Variants in TMEM64 observed in about 807,000 individuals in gnomAD.
TMEM64 encodes transmembrane protein 64.
Under a neutral mutation model 24.5 loss-of-function variants are expected in TMEM64, and 19 were observed. That is an observed-to-expected ratio of 0.78 (90% CI 0.54 to 1.14). The LOEUF is 1.14. TMEM64 is among the 50% of genes most tolerant of loss of function. The pLI is 0.00. For synonymous variants in TMEM64, 262 were observed against 224.7 expected, an observed-to-expected ratio of 1.17 and a Z score of -1.49; for missense variants, 487 against 493.0, an observed-to-expected ratio of 0.99 and a Z score of 0.12.
intron 1 of TMEM64, among the ~76,000 whole-genome samples, chr8:90,643,867 AT>A (rs1156455904): frequency 6.6e-6 from 1 of 152,236 alleles, no homozygotes; most frequent in Non-Finnish European, 1.5e-5. Flanking sequence ...ACCAAATACC[AT>A]TCCATAGTCA....
chr8:90,637,624 G>GA (rs1185134648), intron 1 of TMEM64, among the ~76,000 whole-genome samples: 1 of 151,800 alleles, frequency 6.6e-6, no homozygotes, highest in Non-Finnish European at 1.5e-5. Flanking sequence ...AATCCCTATA[G>GA]AAAAAAATCA....
At chr8:90,626,634 T>C (rs1474006286) in intron 2 of TMEM64, among the ~76,000 whole-genome samples, 14 of 145,958 alleles carry the variant, frequency 9.6e-5, no homozygotes, top group African/African-American at 1.3e-4. Context: ...TCTTTCTTTT[T>C]TTTTTTTTTT....
At chr8:90,626,620 T>TTTTC (rs1563952781) in intron 2 of TMEM64, among the ~76,000 whole-genome samples, 1 of 135,062 alleles carries the variant, frequency 7.4e-6, no homozygotes. Flanking sequence ...CTGTACTTTT[T>TTTTC]TTTTCTTTCT....
chr8:90,643,113 C>T (rs893566125), intron 1 of TMEM64, among the ~76,000 whole-genome samples: 3 of 152,116 alleles, frequency 2.0e-5, no homozygotes, highest in East Asian at 1.9e-4. Context: ...TCGATAAATA[C>T]ATAATGAGCC....
In TMEM64 at chr8:90,624,299, G is replaced by A. The variant is rs1809322312; in HGVS notation, c.*1372C>T. 1 of 151,924 alleles carries A rather than the reference G, an allele frequency of 6.6e-6. No individual in the cohort carries two copies. Among genetic ancestry groups the A allele is most frequent in the African/African-American group, 2.4e-5 (1 of 41,408 alleles). The allele number at this position is 151,924 out of a possible 1,614,324, so 9.4% of individuals were successfully genotyped here. ...ATGAGGGCAAAGCTTTCACCGTAATGAAAAGGCAAATGGGAGGTCTCTGAT... is the reference window on the plus strand; with the variant it reads ...ATGAGGGCAAAGCTTTCACCGTAATAAAAAGGCAAATGGGAGGTCTCTGAT... On this transcript the variant is annotated 3_prime_UTR_variant, in exon 3 of 3. Transcript: ENST00000458549.
chr8:90,623,935 G>A lies in TMEM64; in HGVS notation c.*1736C>T, dbSNP rs796911146. 4 of 151,506 alleles carry A rather than the reference G, an allele frequency of 2.6e-5. No individual in the cohort carries two copies. The highest frequency in any genetic ancestry group is 9.7e-5 in the African/African-American group (4 of 41,328). 9.4% of individuals were successfully genotyped at this position (151,506 alleles called of 1,614,324 possible). On this transcript the variant is annotated 3_prime_UTR_variant, in exon 3 of 3. Transcript: ENST00000458549. Reference sequence around the variant, plus strand: ...CGAAAACCAGCAACTAGATTCAAAAGAGAGAAAAAAAACCGAAATGAGTAA... The same window carrying A: ...CGAAAACCAGCAACTAGATTCAAAAAAGAGAAAAAAAACCGAAATGAGTAA...
chr8:90,630,057 T>G (rs867276736), intron 2 of TMEM64, among the ~76,000 whole-genome samples: 4 of 152,294 alleles, frequency 2.6e-5, no homozygotes, highest in Middle Eastern at 3.4e-3. Flanking sequence ...AAAAGACCAG[T>G]AAGTCTGGAG....
At chr8:90,640,247 T>TA (rs1196172751) in intron 1 of TMEM64, among the ~76,000 whole-genome samples, 1 of 152,226 alleles carries the variant, frequency 6.6e-6, no homozygotes, top group Admixed American at 6.5e-5. Context: ...CATCATTAGA[T>TA]ACACTGATAC....
chr8:90,645,079 G>T lies in TMEM64; in HGVS notation c.795+32C>A. ...CACAAGACCGCTCAAAAACAGACTT[G>T]GAGAGGGATAGGCCAGCGGGACCCC... is the stretch of plus-strand genomic sequence containing the variant. On this transcript the variant is annotated intron_variant, in intron 1 of 2. Coordinates refer to ENST00000458549, the MANE Select transcript of TMEM64 (RefSeq NM_001008495.4). The surrounding 1 kb of genome is among the most constrained non-coding windows in gnomAD (Gnocchi z 4.2). The T allele has an allele frequency of 1.3e-6, 2 of 1,574,844 alleles. No homozygotes were observed. Among genetic ancestry groups the T allele is most frequent in the Non-Finnish European group, 1.7e-6 (2 of 1,155,838 alleles).
At chr8:90,638,932 TAC>T (rs1809561896) in intron 1 of TMEM64, among the ~76,000 whole-genome samples, 1 of 152,068 alleles carries the variant, frequency 6.6e-6, no homozygotes, top group South Asian at 2.1e-4. Context: ...TATTCACGGC[TAC>T]ACCTCCAGCA....
chr8:90,625,546 T>C lies in TMEM64; in HGVS notation c.*125A>G. 2.5e-6 allele frequency: 2 copies of C among 786,250 alleles called. No homozygotes were observed. Among genetic ancestry groups the C allele is most frequent in the Non-Finnish European group, 3.9e-6 (2 of 519,228 alleles). 48.7% of individuals were successfully genotyped at this position (786,250 alleles called of 1,614,324 possible). On this transcript the variant is annotated 3_prime_UTR_variant, in exon 3 of 3. Transcript: ENST00000458549. The stretch of plus-strand genomic sequence containing the variant: ...GCTTTAAAAAAAAAAAATTGTGCAA[T>C]TTAAAAACTAGTCAGTTTTGTTTGT...
rs780228574 is a variant in TMEM64 at position 90,645,651 on chromosome 8, G to A, written c.255C>T (p.Gly85=). 2.8e-5 allele frequency: 43 copies of A among 1,529,422 alleles called. No individual in the cohort carries two copies. In the South Asian group the frequency reaches 4.9e-4, roughly 17 times the overall value. The allele number at this position is 1,529,422 out of a possible 1,614,324, so 94.7% of individuals were successfully genotyped here. A position where few individuals can be genotyped will look rare whatever the true frequency, so the allele number is the denominator to read the frequency against. ...TCCCGGGGCCGCCCGCCAAGGCCCC[G>A]CCCGGCTCCGGCAGCTCCGAAGCCT... ...PPEASELPEP[G]GALAGGPGSG... The change falls in exon 1 of 3, where the codon GGC becomes GGT. Residue 85 remains glycine (G), a synonymous_variant. Coordinates refer to ENST00000458549, the MANE Select transcript of TMEM64 (RefSeq NM_001008495.4). This position sits in a 1 kb window ranked among gnomAD's most constrained non-coding sequence, Gnocchi z 4.2.
chr8:90,643,579 T>C (rs954949443), intron 1 of TMEM64, among the ~76,000 whole-genome samples: 12 of 152,174 alleles, frequency 7.9e-5, no homozygotes, highest in Non-Finnish European at 1.2e-4. Context: ...AGGACAGTAG[T>C]TGGCACACGG....
At position 90,645,506 on chromosome 8, in the gene TMEM64, A is replaced by G. The variant is rs531001257; in HGVS notation, c.400T>C (p.Phe134Leu). 4.1e-5 allele frequency: 63 copies of G among 1,550,674 alleles called. No homozygotes were observed. The African/African-American group carries it at 8.2e-4, about 20-fold the overall frequency. Residue 134 changes from phenylalanine (F) to leucine (L), a missense_variant, in exon 1 of 3, where the codon TTC becomes CTC. By Grantham distance (22) the Phe-to-Leu change is conservative. Transcript: ENST00000458549. This position sits in a 1 kb window ranked among gnomAD's most constrained non-coding sequence, Gnocchi z 4.2. Reference protein sequence around the residue: ...VLVCVLAALCFASLALVRRYL... With the variant: ...VLVCVLAALCLASLALVRRYL... ...CGGCGGACCAGGGCCAGGGAAGCGA[A>G]GCACAGGGCGGCCAACACGCAGACC...
intron 1 of TMEM64, among the ~76,000 whole-genome samples, chr8:90,638,415 T>C (rs1809553949): frequency 6.6e-6 from 1 of 152,178 alleles, no homozygotes; most frequent in African/African-American, 2.4e-5. Flanking sequence ...CAGTCATCAA[T>C]TACTCTAGGA....
At chr8:90,636,453 A>C (rs1456317879) in intron 1 of TMEM64, among the ~76,000 whole-genome samples, 1 of 152,086 alleles carries the variant, frequency 6.6e-6, no homozygotes, top group Non-Finnish European at 1.5e-5. Context: ...GCCGGGTTTC[A>C]CCATGTTGGT....
chr8:90,625,629 G>T lies in TMEM64; in HGVS notation c.*42C>A. 4.5e-6 allele frequency: 7 copies of T among 1,546,426 alleles called. No individual in the cohort carries two copies. The highest frequency in any genetic ancestry group is 6.2e-6 in the Non-Finnish European group (7 of 1,127,070). ...CTAGTGAAGTGACTGCTAGACCTTA[G>T]ATAGCACACTAGGCTCTTGACAATC... On this transcript the variant is annotated 3_prime_UTR_variant, in exon 3 of 3. Coordinates refer to ENST00000458549, the MANE Select transcript of TMEM64 (RefSeq NM_001008495.4).
At chr8:90,626,510 T>C (rs887394408) in intron 2 of TMEM64, among the ~76,000 whole-genome samples, 11 of 152,120 alleles carry the variant, frequency 7.2e-5, no homozygotes, top group Non-Finnish European at 1.2e-4. Context: ...ACTGATCAAA[T>C]TGAAAGTCAG....
intron 1 of TMEM64, among the ~76,000 whole-genome samples, chr8:90,644,896 G>GT (rs781003748): frequency 2.6e-5 from 4 of 152,158 alleles, no homozygotes; most frequent in Non-Finnish European, 5.9e-5. Context: ...AGAAACATTA[G>GT]TTTTTTATCT....
Sources: allele counts gnomAD v4.1 joint callset (sites outside exome capture counted in the v4.1 genomes callset), GRCh38; gene constraint gnomAD v4.1.1; non-coding constraint Gnocchi (gnomAD v3.1); transcripts MANE v1.5; gene names NCBI Gene and HGNC (gene_info 2026-07-23, HGNC 2026-07-21).